LEPR: variants seen among roughly 807,000 people sequenced by gnomAD.
LEPR encodes OB receptor.
In LEPR, 56 loss-of-function variants were observed where a neutral mutation model predicts 114.7. The observed-to-expected ratio is 0.49, with a 90% CI of 0.39 to 0.61. The LOEUF is 0.61. Among genes scored for constraint, LEPR ranks in the 20% least tolerant of loss-of-function variants. The pLI, the probability that LEPR is intolerant of heterozygous loss-of-function variation, is 0.00. For missense variants in LEPR, 1,202 were observed against 1,352.9 expected, an observed-to-expected ratio of 0.89 and a Z score of 1.75; for synonymous variants, 443 against 461.4, an observed-to-expected ratio of 0.96 and a Z score of 0.51.
At chr1:65,535,229 T>G (rs1461651370) in intron 2 of LEPR, among the ~76,000 whole-genome samples, 3 of 151,678 alleles carry the variant, frequency 2.0e-5, no homozygotes, top group Non-Finnish European at 4.4e-5. Context: ...GCTGTTATAG[T>G]AGTAAGATGT....
chr1:65,444,505 C>CT (rs1417747698), intron 2 of LEPR, among the ~76,000 whole-genome samples: 4 of 143,712 alleles, frequency 2.8e-5, no homozygotes, highest in Non-Finnish European at 5.9e-5. Flanking sequence ...AATGTGTATA[C>CT]TTTGTCTCCC....
In LEPR at chr1:65,636,899, A is replaced by G. The variant is rs375294929; in HGVS notation, c.3382A>G (p.Ile1128Val). ...TTGCTCACACTTTGTAGAAAATAAT[A>G]TCAACTTAGGAACTTCTAGTAAGAA... Reference protein sequence around the residue: ...DSCSHFVENNINLGTSSKKTF... With the variant: ...DSCSHFVENNVNLGTSSKKTF... Residue 1128 changes from isoleucine to valine, a missense_variant, in exon 20 of 20, where the codon ATC becomes GTC. Transcript: ENST00000349533. 5 of 1,606,220 alleles carry G rather than the reference A, an allele frequency of 3.1e-6. No individual in the cohort carries two copies. Among genetic ancestry groups the G allele is most frequent in the Non-Finnish European group, 4.2e-6 (5 of 1,176,746 alleles).
At chr1:65,624,839 G>T (rs1658103054) in intron 19 of LEPR, among the ~76,000 whole-genome samples, 1 of 152,146 alleles carries the variant, frequency 6.6e-6, no homozygotes, top group African/African-American at 2.4e-5. Flanking sequence ...GAAAAAGATT[G>T]AATTGTAATT....
At chr1:65,595,392 A>C (rs1421001334) in intron 6 of LEPR, among the ~76,000 whole-genome samples, 1 of 152,094 alleles carries the variant, frequency 6.6e-6, no homozygotes, top group Non-Finnish European at 1.5e-5. Context: ...TACAGTATGC[A>C]GATAGGAAAT....
chr1:65,608,592 T>C (rs1324496235), intron 11 of LEPR, among the ~76,000 whole-genome samples, 161 bp from the exon 12 acceptor site: 2 of 152,200 alleles, frequency 1.3e-5, no homozygotes, highest in African/African-American at 4.8e-5. Context: ...TCTTTTAATA[T>C]ATCACATAAA....
chr1:65,497,626 A>G (rs1648232700), intron 2 of LEPR, among the ~76,000 whole-genome samples: 1 of 152,158 alleles, frequency 6.6e-6, no homozygotes, highest in African/African-American at 2.4e-5. Context: ...GAACATTATG[A>G]GTGGGTTGTT....
At chr1:65,519,286 A>T (rs2100577248) in intron 2 of LEPR, among the ~76,000 whole-genome samples, 1 of 151,932 alleles carries the variant, frequency 6.6e-6, no homozygotes, top group East Asian at 2.0e-4. Flanking sequence ...AGTAGCTGGG[A>T]CTACAGGTGC....
chr1:65,520,864 G>T (rs1175376027), intron 2 of LEPR, among the ~76,000 whole-genome samples: 2 of 152,226 alleles, frequency 1.3e-5, no homozygotes, highest in African/African-American at 4.8e-5. Context: ...TGTCCTTAAG[G>T]CACAGATCGC....
chr1:65,607,929 A>G (rs1320734817), intron 11 of LEPR, among the ~76,000 whole-genome samples: 7 of 152,156 alleles, frequency 4.6e-5, no homozygotes, highest in Non-Finnish European at 1.0e-4. Context: ...ACCTTTAAAC[A>G]TGTCTTGTTA....
chr1:65,452,573 G>A (rs1181848191), intron 2 of LEPR, among the ~76,000 whole-genome samples: 1 of 151,996 alleles, frequency 6.6e-6, no homozygotes, highest in Non-Finnish European at 1.5e-5. Flanking sequence ...TTATATGCTG[G>A]ATTACATTTA....
At chr1:65,604,204 G>A (rs1438254665) in intron 10 of LEPR, among the ~76,000 whole-genome samples, 2 of 151,924 alleles carry the variant, frequency 1.3e-5, no homozygotes, top group South Asian at 2.1e-4. Context: ...AGTGTCTAAT[G>A]AAATATTTAA....
chr1:65,579,778 A>G (rs1654854881), intron 5 of LEPR, among the ~76,000 whole-genome samples: 1 of 152,122 alleles, frequency 6.6e-6, no homozygotes. Context: ...AATTATGATG[A>G]GGTATTTTTC....
At chr1:65,554,244 G>C (rs1652648018) in intron 2 of LEPR, among the ~76,000 whole-genome samples, 1 of 152,188 alleles carries the variant, frequency 6.6e-6, no homozygotes, top group Non-Finnish European at 1.5e-5. Context: ...TGTGCTGGGG[G>C]ATCCACTGCT....
At chr1:65,539,659 G>A (rs1019737905) in intron 2 of LEPR, among the ~76,000 whole-genome samples, 5 of 152,068 alleles carry the variant, frequency 3.3e-5, no homozygotes, top group African/African-American at 7.2e-5. Flanking sequence ...TACTTTGCTC[G>A]TGTTTGAGGA....
intron 17 of LEPR, 66 bp from the exon 18 acceptor site, chr1:65,621,287 T>C: frequency 1.4e-6 from 2 of 1,389,622 alleles, no homozygotes; most frequent in South Asian, 2.4e-5. Context: ...ACTATAATTT[T>C]TGATACAGAA....
chr1:65,536,659 G>A (rs1016915681), intron 2 of LEPR, among the ~76,000 whole-genome samples: 6 of 151,438 alleles, frequency 4.0e-5, no homozygotes, highest in African/African-American at 9.7e-5. Flanking sequence ...CAAAGATTTC[G>A]GTTAAGGGAT....
At chr1:65,462,269 G>A (rs190615744) in intron 2 of LEPR, among the ~76,000 whole-genome samples, 2 of 152,206 alleles carry the variant, frequency 1.3e-5, no homozygotes, top group South Asian at 2.1e-4. Context: ...TGTCCTTGTG[G>A]TGGTTTGCTT....
At chr1:65,436,733 T>C (rs957449115) in intron 2 of LEPR, among the ~76,000 whole-genome samples, 1 of 152,218 alleles carries the variant, frequency 6.6e-6, no homozygotes, top group Non-Finnish European at 1.5e-5. Flanking sequence ...TTTGATTATA[T>C]CTTTATCAAA....
intron 2 of LEPR, among the ~76,000 whole-genome samples, chr1:65,559,682 A>G (rs1042478123): frequency 7.8e-6 from 1 of 128,530 alleles, no homozygotes; most frequent in East Asian, 2.0e-4. Context: ...TTATGGTTTT[A>G]GGTCTAACGT....
Sources: allele counts gnomAD v4.1 joint callset (sites outside exome capture counted in the v4.1 genomes callset), GRCh38; gene constraint gnomAD v4.1.1; transcripts MANE v1.5; gene names NCBI Gene and HGNC (gene_info 2026-07-23, HGNC 2026-07-21).